Variants in PXDNL observed in about 807,000 individuals in gnomAD.
PXDNL encodes peroxidasin like.
A neutral mutation model predicts 150.8 loss-of-function variants in PXDNL; 145 were observed. The ratio of observed to expected loss-of-function variants is 0.96; its 90% confidence interval spans 0.84 to 1.10. The LOEUF is 1.10. PXDNL is among the 50% of genes least tolerant of loss of function. The pLI is 0.00. For synonymous variants in PXDNL, 757 were observed against 725.7 expected (o/e 1.04, Z -0.69); for missense variants, 2,087 against 1,873.9 (o/e 1.11, Z -2.10).
intron 8 of PXDNL, among the ~76,000 whole-genome samples, chr8:51,465,718 A>G (rs1035225210): frequency 6.6e-6 from 1 of 152,220 alleles, no homozygotes; most frequent in Non-Finnish European, 1.5e-5. Flanking sequence ...TACAAAATCA[A>G]TGTGTAAAAA....
At chr8:51,445,215 G>A (rs1308867652) in intron 12 of PXDNL, among the ~76,000 whole-genome samples, 1 of 152,022 alleles carries the variant, frequency 6.6e-6, no homozygotes, top group Non-Finnish European at 1.5e-5. Flanking sequence ...CAACCACCAC[G>A]CTCGCCCCAG....
intron 1 of PXDNL, among the ~76,000 whole-genome samples, chr8:51,803,691 C>T (rs1419493946): frequency 1.3e-5 from 2 of 152,196 alleles, no homozygotes; most frequent in Admixed American, 6.5e-5. Context: ...ACACAGCCTA[C>T]ACAACCACTG....
rs754174861 is a variant in PXDNL, at chr8:51,423,727, C to A, written c.1643G>T (p.Gly548Val). 2 of 1,612,464 alleles carry A rather than the reference C, an allele frequency of 1.2e-6. No homozygotes were observed. Among genetic ancestry groups the A allele is most frequent in the Non-Finnish European group, 1.7e-6 (2 of 1,179,084 alleles). Reference protein sequence around the residue: ...PQPIITWNKEGVQITESGKFH... With the variant: ...PQPIITWNKEVVQITESGKFH... ...TTTACCACTCTCAGTAATCTGCACA[C>A]CTTCCTAGGGAGCAAAAAAGAGTTG... Residue 548 changes from glycine (G) to valine (V), a missense_variant, in exon 14 of 23, where the codon GGT becomes GTT. Transcript: ENST00000356297.
intron 2 of PXDNL, among the ~76,000 whole-genome samples, chr8:51,621,484 G>T (rs960242821): frequency 7.0e-6 from 1 of 142,108 alleles, no homozygotes; most frequent in Non-Finnish European, 1.5e-5. Context: ...GTGTGTGTGT[G>T]TGTACAGCAA....
At chr8:51,327,593 G>A (rs771125859) in intron 21 of PXDNL, among the ~76,000 whole-genome samples, 3 of 152,172 alleles carry the variant, frequency 2.0e-5, no homozygotes, top group African/African-American at 4.8e-5. Context: ...TTTGCTCAGT[G>A]TACTTAAGAT....
intron 1 of PXDNL, among the ~76,000 whole-genome samples, chr8:51,692,863 C>T (rs1016495894): frequency 1.2e-4 from 18 of 152,214 alleles, no homozygotes; most frequent in Non-Finnish European, 2.2e-4. Context: ...AGCAGAGTTA[C>T]GTAAGTTCCT....
chr8:51,782,754 T>A (rs1018445450), intron 1 of PXDNL, among the ~76,000 whole-genome samples: 1 of 152,206 alleles, frequency 6.6e-6, no homozygotes, highest in Non-Finnish European at 1.5e-5. Context: ...ATGGTACTTA[T>A]CATGAAGCCA....
At chr8:51,600,811 T>C (rs1206614352) in intron 2 of PXDNL, among the ~76,000 whole-genome samples, 2 of 136,956 alleles carry the variant, frequency 1.5e-5, no homozygotes, top group African/African-American at 5.5e-5. Context: ...TTATATCTTA[T>C]ATAAATTATA....
intron 1 of PXDNL, among the ~76,000 whole-genome samples, chr8:51,789,382 T>C (rs979259944): frequency 2.6e-5 from 4 of 152,152 alleles, no homozygotes; most frequent in African/African-American, 4.8e-5. Flanking sequence ...CAAGCACAGA[T>C]GGTGAACAAA....
chr8:51,640,521 T>G (rs1367405930), intron 2 of PXDNL, among the ~76,000 whole-genome samples: 2 of 152,120 alleles, frequency 1.3e-5, no homozygotes, highest in African/African-American at 4.8e-5. Context: ...GGATACAAAA[T>G]CAATGTACAA....
chr8:51,808,750 A>G (rs1345030893), intron 1 of PXDNL, among the ~76,000 whole-genome samples: 1 of 152,194 alleles, frequency 6.6e-6, no homozygotes, highest in African/African-American at 2.4e-5. Context: ...AAAGCCTAAC[A>G]ATTTGTCAGC....
chr8:51,365,181 G>T (rs1253304000), intron 19 of PXDNL, among the ~76,000 whole-genome samples: 1 of 152,096 alleles, frequency 6.6e-6, no homozygotes, highest in East Asian at 1.9e-4. Context: ...CAAGTGATCT[G>T]CCCACCTCGG....
At chr8:51,698,649 C>A (rs959623292) in intron 1 of PXDNL, among the ~76,000 whole-genome samples, 9 of 152,208 alleles carry the variant, frequency 5.9e-5, no homozygotes, top group African/African-American at 2.2e-4. Flanking sequence ...TCATGGATCA[C>A]GCCTGTTCTT....
intron 21 of PXDNL, among the ~76,000 whole-genome samples, chr8:51,324,284 A>T (rs149947309): frequency 1.3e-5 from 2 of 152,206 alleles, no homozygotes; most frequent in African/African-American, 4.8e-5. Flanking sequence ...TTCTTGACTT[A>T]TTGCACTGGC....
At chr8:51,675,327 A>C (rs1358535432) in intron 1 of PXDNL, among the ~76,000 whole-genome samples, 1 of 152,122 alleles carries the variant, frequency 6.6e-6, no homozygotes. Flanking sequence ...CATTGGATTC[A>C]CTTGCTTTCC....
chr8:51,784,373 C>A (rs914181188), intron 1 of PXDNL, among the ~76,000 whole-genome samples: 2 of 152,196 alleles, frequency 1.3e-5, no homozygotes, highest in Non-Finnish European at 2.9e-5. Context: ...TTTACGAATT[C>A]TTAAGCAGAT....
chr8:51,382,206 G>A (rs1281719805), intron 17 of PXDNL, among the ~76,000 whole-genome samples: 1 of 152,130 alleles, frequency 6.6e-6, no homozygotes. Context: ...CTACAGCAGA[G>A]GCAGGGACTG....
chr8:51,370,361 CA>C (rs1360126312), intron 19 of PXDNL, among the ~76,000 whole-genome samples: 2 of 152,192 alleles, frequency 1.3e-5, no homozygotes, highest in Non-Finnish European at 2.9e-5. Flanking sequence ...CTCTGCTCAG[CA>C]GGCCCTATGT....
intron 1 of PXDNL, among the ~76,000 whole-genome samples, chr8:51,660,133 G>A (rs542479955): frequency 6.6e-5 from 10 of 152,096 alleles, no homozygotes; most frequent in Admixed American, 2.0e-4. Context: ...CAGGTGATCC[G>A]CCCACCTAGG....
Sources: allele counts gnomAD v4.1 joint callset (sites outside exome capture counted in the v4.1 genomes callset), GRCh38; gene constraint gnomAD v4.1.1; transcripts MANE v1.5; gene names NCBI Gene and HGNC (gene_info 2026-07-23, HGNC 2026-07-21).